The following PLEKHS1 variants were observed in gnomAD, a reference collection of about 807,000 sequenced individuals.
The protein encoded by PLEKHS1 is pleckstrin homology domain containing S1.
In PLEKHS1, 55 loss-of-function variants were observed where a neutral mutation model predicts 51.0. The observed-to-expected ratio is 1.08, with a 90% CI of 0.87 to 1.35. The LOEUF (loss-of-function observed/expected upper bound fraction) is 1.35. Among genes scored for constraint, PLEKHS1 ranks in the 40% most tolerant of loss-of-function variants. The probability of loss-of-function intolerance (pLI) is 0.00; values close to 1 mark genes in which losing one functional copy is unlikely to be tolerated. For synonymous variants in PLEKHS1, 153 were observed against 144.8 expected (o/e 1.06, Z -0.41); for missense variants, 398 against 423.0 (o/e 0.94, Z 0.52).
At chr10:113,773,214 A>G (rs958274283) in intron 8 of PLEKHS1, among the ~76,000 whole-genome samples, 1 of 152,234 alleles carries the variant, frequency 6.6e-6, no homozygotes, top group African/African-American at 2.4e-5. Flanking sequence ...CAAGTCAGAT[A>G]CAACACATGG....
At chr10:113,777,346 C>A in intron 11 of PLEKHS1, 87 bp downstream of exon 12, 1 of 1,607,702 alleles carries the variant, frequency 6.2e-7, no homozygotes, top group Non-Finnish European at 8.5e-7. Context: ...GAGAAGTACC[C>A]TGAATACAAA....
chr10:113,776,080 T>TAACA (rs1223092830), intron 11 of PLEKHS1, among the ~76,000 whole-genome samples: 1 of 152,074 alleles, frequency 6.6e-6, no homozygotes, highest in Admixed American at 6.6e-5. Flanking sequence ...GCAGGGGGAA[T>TAACA]AACAGGACCC....
At chr10:113,768,923 AC>A (rs762078804) in intron 6 of PLEKHS1, 33 bp downstream of exon 6, 1 of 1,515,746 alleles carries the variant, frequency 6.6e-7, no homozygotes, top group South Asian at 1.2e-5. Context: ...ATAACAGGGC[AC>A]CTGAACACAA....
intron 2 of PLEKHS1, among the ~76,000 whole-genome samples, chr10:113,765,568 CAGAAGTGATTAAATAA>C (rs1395156239): frequency 6.6e-6 from 1 of 152,166 alleles, no homozygotes; most frequent in East Asian, 1.9e-4. Context: ...AACGGGGTGG[CAGAAGTGATTAAATAA>C]AGAAGTTTCT....
At chr10:113,770,048 T>C in intron 7 of PLEKHS1, 148 bp downstream of exon 7, 1 of 682,826 alleles carries the variant, frequency 1.5e-6, no homozygotes, top group South Asian at 1.7e-5. Context: ...CTGATGTTTA[T>C]CCCATACCAC....
intron 2 of PLEKHS1, chr10:113,765,183 T>A: frequency 2.1e-6 from 1 of 471,640 alleles, no homozygotes; most frequent in Non-Finnish European, 3.8e-6. Context: ...TTCCTATGAA[T>A]CTTGAGCTTT....
At chr10:113,765,683 A>G (rs975066626) in intron 2 of PLEKHS1, among the ~76,000 whole-genome samples, 3 of 152,256 alleles carry the variant, frequency 2.0e-5, no homozygotes, top group African/African-American at 4.8e-5. Context: ...ATAAATATGT[A>G]TCATATTCAC....
chr10:113,755,348 GA>G, intron 2 of PLEKHS1, 43 bp downstream of exon 2: 1 of 1,593,560 alleles, frequency 6.3e-7, no homozygotes, highest in South Asian at 1.1e-5. Flanking sequence ...TCTTTTTATT[GA>G]AAATGCCCCA....
intron 11 of PLEKHS1, 26 bp downstream of exon 12, chr10:113,777,285 C>A: frequency 6.2e-7 from 1 of 1,611,284 alleles, no homozygotes; most frequent in Non-Finnish European, 8.5e-7. Flanking sequence ...CAGCCCTGAA[C>A]AGGGCAAATC....
intron 1 of PLEKHS1, among the ~76,000 whole-genome samples, chr10:113,754,593 C>G (rs1854011288): frequency 6.6e-6 from 1 of 152,178 alleles, no homozygotes; most frequent in Non-Finnish European, 1.5e-5. Flanking sequence ...CTACCTCAGC[C>G]TCCTGAGGGA....
At chr10:113,756,910 G>A (rs1227099119) in intron 2 of PLEKHS1, among the ~76,000 whole-genome samples, 1 of 144,988 alleles carries the variant, frequency 6.9e-6, no homozygotes, top group Non-Finnish European at 1.5e-5. Context: ...ATTTTAGATT[G>A]GTCTTTTTTT....
At chr10:113,776,018 T>A (rs1400671773) in intron 11 of PLEKHS1, 152 bp downstream of exon 11, 1 of 540,962 alleles carries the variant, frequency 1.8e-6, no homozygotes, top group Non-Finnish European at 3.1e-6. Context: ...CAAAAAAATC[T>A]TTGAGGCAGA....
At chr10:113,759,389 AAC>A (rs1449012287) in intron 2 of PLEKHS1, among the ~76,000 whole-genome samples, 1 of 152,158 alleles carries the variant, frequency 6.6e-6, no homozygotes, top group Non-Finnish European at 1.5e-5. Flanking sequence ...GGTAATAGTA[AAC>A]ACACTCATCA....
At chr10:113,762,894 A>C (rs1472547376) in intron 2 of PLEKHS1, among the ~76,000 whole-genome samples, 1 of 152,060 alleles carries the variant, frequency 6.6e-6, no homozygotes, top group Non-Finnish European at 1.5e-5. Context: ...AGAGAAGGGA[A>C]TATTTCTCTA....
At chr10:113,765,356 C>T in intron 2 of PLEKHS1, 1 of 779,404 alleles carries the variant, frequency 1.3e-6, no homozygotes. Flanking sequence ...TACCCAATGC[C>T]CTGTAAATTA....
intron 7 of PLEKHS1, 120 bp downstream of exon 7, chr10:113,770,020 TAAGA>T (rs1844334928): frequency 4.0e-6 from 3 of 757,712 alleles, no homozygotes; most frequent in Admixed American, 1.9e-5. Context: ...CGATGCACTA[TAAGA>T]AAGATTCTTA....
intron 2 of PLEKHS1, among the ~76,000 whole-genome samples, chr10:113,759,810 G>A (rs1843836477): frequency 6.6e-6 from 1 of 152,180 alleles, no homozygotes; most frequent in Admixed American, 6.5e-5. Context: ...TGGGTCATAT[G>A]GTTGGAGTAT....
chr10:113,762,365 CTTTTTTTTTTTTT>C (rs34457408), intron 2 of PLEKHS1, among the ~76,000 whole-genome samples: 1 of 61,770 alleles, frequency 1.6e-5, no homozygotes, highest in Non-Finnish European at 3.0e-5. Flanking sequence ...AGATTTGTTC[CTTTTTTTTTTTTT>C]TTTTTTTTCA....
At chr10:113,766,591 T>A (rs763160661) in intron 3 of PLEKHS1, 21 bp from the exon 4 acceptor site, 3 of 1,595,146 alleles carry the variant, frequency 1.9e-6, no homozygotes, top group South Asian at 1.1e-5. Context: ...AACTAAGACA[T>A]AAAATCTTTT....
Sources: allele counts gnomAD v4.1 joint callset (sites outside exome capture counted in the v4.1 genomes callset), GRCh38; gene constraint gnomAD v4.1.1; transcripts MANE v1.5; gene names NCBI Gene and HGNC (gene_info 2026-07-23, HGNC 2026-07-21).